LRRC3B: variants seen among roughly 807,000 people sequenced by gnomAD.
The protein encoded by LRRC3B is leucine-rich repeat-containing protein 3B.
A neutral mutation model predicts 12.8 loss-of-function variants in LRRC3B; 2 were observed. The observed-to-expected ratio is 0.16, with a 90% CI of 0.06 to 0.49. The LOEUF (loss-of-function observed/expected upper bound fraction) is 0.49. Ranked by LOEUF, LRRC3B falls within the 20% of genes least tolerant of loss-of-function variation. LRRC3B has a pLI of 0.96. For synonymous variants in LRRC3B, 132 were observed against 122.0 expected (o/e 1.08, Z -0.54); for missense variants, 189 against 319.4 (o/e 0.59, Z 3.11).
At chr3:26,633,241 C>T (rs1018849253) in intron 1 of LRRC3B, among the ~76,000 whole-genome samples, 1 of 152,112 alleles carries the variant, frequency 6.6e-6, no homozygotes, top group African/African-American at 2.4e-5. Flanking sequence ...CCAAAGGTAG[C>T]CCGACTAAGT....
chr3:26,681,907 C>T (rs940974665), intron 1 of LRRC3B, among the ~76,000 whole-genome samples: 4 of 152,124 alleles, frequency 2.6e-5, no homozygotes, highest in African/African-American at 9.7e-5. Context: ...CCTACATATG[C>T]TGTGTTTCTT....
At chr3:26,639,228 A>AC in intron 1 of LRRC3B, among the ~76,000 whole-genome samples, 1 of 152,210 alleles carries the variant, frequency 6.6e-6, no homozygotes, top group Admixed American at 6.5e-5. Flanking sequence ...TAATATACTT[A>AC]ACCCAGTATA....
chr3:26,658,305 G>T (rs1035711572), intron 1 of LRRC3B, among the ~76,000 whole-genome samples: 2 of 152,114 alleles, frequency 1.3e-5, no homozygotes, highest in Non-Finnish European at 2.9e-5. Context: ...TGATCTGCCC[G>T]CCTCGGCCTC....
At chr3:26,636,016 CT>C (rs145573355) in intron 1 of LRRC3B, among the ~76,000 whole-genome samples, 4,175 of 152,108 alleles carry the variant, frequency 0.027, 153 homozygotes, top group East Asian at 0.13. Flanking sequence ...GCAACCTCTA[CT>C]TTTTTTTACT....
chr3:26,699,327 T>C (rs948991306), intron 1 of LRRC3B, among the ~76,000 whole-genome samples: 1 of 152,178 alleles, frequency 6.6e-6, no homozygotes, highest in Admixed American at 6.5e-5. Flanking sequence ...TTGAAGCACA[T>C]TTCACACATA....
intron 1 of LRRC3B, among the ~76,000 whole-genome samples, chr3:26,659,413 G>A (rs1180520263): frequency 6.6e-6 from 1 of 152,102 alleles, no homozygotes; most frequent in Non-Finnish European, 1.5e-5. Context: ...CCATCTGCAA[G>A]GTGGGCCTAA....
intron 1 of LRRC3B, among the ~76,000 whole-genome samples, chr3:26,655,995 C>T (rs1370344513): frequency 3.9e-5 from 6 of 152,158 alleles, no homozygotes; most frequent in African/African-American, 1.4e-4. Context: ...GACTAAGGTT[C>T]ATTTGACTGC....
At chr3:26,692,423 C>T (rs1244115272) in intron 1 of LRRC3B, among the ~76,000 whole-genome samples, 5 of 152,146 alleles carry the variant, frequency 3.3e-5, no homozygotes, top group South Asian at 2.1e-4. Flanking sequence ...ACACCTTAGA[C>T]GTGCATGGAT....
chr3:26,658,408 G>C (rs1004610346), intron 1 of LRRC3B, among the ~76,000 whole-genome samples: 2 of 152,194 alleles, frequency 1.3e-5, no homozygotes, highest in African/African-American at 2.4e-5. Context: ...CCTGCAGAGA[G>C]ATAGCCCAAT....
At chr3:26,649,652 T>A in intron 1 of LRRC3B, among the ~76,000 whole-genome samples, 1 of 152,214 alleles carries the variant, frequency 6.6e-6, no homozygotes, top group Non-Finnish European at 1.5e-5. Context: ...TCCTTCTCCC[T>A]CTACCTCATA....
At chr3:26,664,737 C>T (rs1699563991) in intron 1 of LRRC3B, among the ~76,000 whole-genome samples, 1 of 151,980 alleles carries the variant, frequency 6.6e-6, no homozygotes, top group African/African-American at 2.4e-5. Flanking sequence ...CAGTTTAGGT[C>T]TCGCCTCCGA....
intron 1 of LRRC3B, among the ~76,000 whole-genome samples, chr3:26,685,364 A>AGTCT (rs944054600): frequency 6.6e-6 from 1 of 150,768 alleles, no homozygotes; most frequent in African/African-American, 2.5e-5. Context: ...ACCTCCCTTC[A>AGTCT]GTCTCTGCTT....
At chr3:26,668,336 G>C (rs143122558) in intron 1 of LRRC3B, among the ~76,000 whole-genome samples, 1 of 152,088 alleles carries the variant, frequency 6.6e-6, no homozygotes, top group East Asian at 1.9e-4. Flanking sequence ...ACATTAGAGA[G>C]CTTAGTGGTG....
chr3:26,629,289 G>C (rs191400407), intron 1 of LRRC3B, among the ~76,000 whole-genome samples: 2 of 146,806 alleles, frequency 1.4e-5, no homozygotes, highest in African/African-American at 5.0e-5. Context: ...CCAATTTTAG[G>C]TCATTGATAG....
chr3:26,656,856 T>A (rs1426476491), intron 1 of LRRC3B, among the ~76,000 whole-genome samples: 1 of 152,216 alleles, frequency 6.6e-6, no homozygotes, highest in South Asian at 2.1e-4. Context: ...TGTGTGGGTA[T>A]GCTTTGTAAA....
At chr3:26,640,746 A>G (rs1178417929) in intron 1 of LRRC3B, among the ~76,000 whole-genome samples, 2 of 152,176 alleles carry the variant, frequency 1.3e-5, no homozygotes, top group African/African-American at 2.4e-5. Context: ...GGAGTTCTGC[A>G]TGGCATGCTG....
intron 1 of LRRC3B, among the ~76,000 whole-genome samples, chr3:26,648,673 G>A (rs1699203170): frequency 6.6e-6 from 1 of 152,118 alleles, no homozygotes; most frequent in Non-Finnish European, 1.5e-5. Flanking sequence ...ACTCCTAAGA[G>A]GACCCCTCAC....
At chr3:26,688,683 GA>G (rs1700134108) in intron 1 of LRRC3B, among the ~76,000 whole-genome samples, 1 of 152,080 alleles carries the variant, frequency 6.6e-6, no homozygotes, top group Admixed American at 6.5e-5. Flanking sequence ...GCACCAAGGG[GA>G]TGGTGCTAAA....
At chr3:26,678,248 C>G (rs1699902052) in intron 1 of LRRC3B, among the ~76,000 whole-genome samples, 1 of 151,190 alleles carries the variant, frequency 6.6e-6, no homozygotes, top group South Asian at 2.1e-4. Context: ...AATCCCAGCA[C>G]TTTGGGAAGC....
Sources: allele counts gnomAD v4.1 joint callset (sites outside exome capture counted in the v4.1 genomes callset), GRCh38; gene constraint gnomAD v4.1.1; transcripts MANE v1.5; gene names NCBI Gene and HGNC (gene_info 2026-07-23, HGNC 2026-07-21).